The following C5 variants were observed in gnomAD, a reference collection of about 807,000 sequenced individuals.
C5 encodes C3 and PZP-like alpha-2-macroglobulin domain-containing protein 4.
A neutral mutation model predicts 218.8 loss-of-function variants in C5; 140 were observed. The ratio of observed to expected loss-of-function variants is 0.64; its 90% CI spans 0.56 to 0.74. The LOEUF is 0.74. C5 is among the 30% of genes least tolerant of loss of function. C5 has a pLI of 0.00. For synonymous variants in C5, 614 were observed against 682.3 expected (o/e 0.90, Z 1.56); for missense variants, 1,700 against 1,969.6 (o/e 0.86, Z 2.59).
At chr9:121,037,147 T>C (rs943978974) in intron 4 of C5, among the ~76,000 whole-genome samples, 1 of 152,076 alleles carries the variant, frequency 6.6e-6, no homozygotes, top group Non-Finnish European at 1.5e-5. Flanking sequence ...AGTATAATAG[T>C]TATTAAACTC....
intron 33 of C5, among the ~76,000 whole-genome samples, chr9:120,967,605 G>A (rs2046878405): frequency 6.6e-6 from 1 of 152,186 alleles, no homozygotes; most frequent in Non-Finnish European, 1.5e-5. Context: ...ACGATGGAAA[G>A]AACAGGGAAG....
At chr9:121,052,286 G>A (rs1213096036), upstream of C5, among the ~76,000 whole-genome samples, 4 of 151,754 alleles carry the variant, frequency 2.6e-5, no homozygotes, top group South Asian at 2.1e-4. Flanking sequence ...GCGAAAACCC[G>A]CCTCTACTAA....
intron 2 of C5, among the ~76,000 whole-genome samples, chr9:121,045,204 G>A (rs7851568): frequency 3.3e-5 from 5 of 152,118 alleles, no homozygotes; most frequent in South Asian, 4.1e-4. Flanking sequence ...GAACATTAAA[G>A]AATTCCTATG....
Position 120,959,853 on chromosome 9 carries a change from ATT to A in C5, c.4678+393_4678+394del, listed in dbSNP as rs1185228623. Among the ~76,000 whole-genome samples, 3 of 152,166 alleles carry A rather than the reference ATT, an allele frequency of 2.0e-5. No homozygotes were observed. The East Asian group carries it at 5.8e-4, about 29-fold the overall frequency. On this transcript the variant is annotated intron_variant, in intron 38 of 40. Transcript: ENST00000223642. ...GTATTTATATTTTTACCCTGAAGAT[ATT>A]TTTTTAAAAACCAAGCCCCCTAAAT...
intron 29 of C5, 79 bp downstream of exon 29, chr9:120,976,621 G>C (rs766962116): frequency 1.0e-4 from 115 of 1,141,010 alleles, no homozygotes; most frequent in South Asian, 8.1e-4. Flanking sequence ...GTGGACAAAG[G>C]CATGGAGGCC....
chr9:121,007,513 A>G (rs1272580298), intron 18 of C5, among the ~76,000 whole-genome samples: 3 of 152,232 alleles, frequency 2.0e-5, no homozygotes, highest in Non-Finnish European at 2.9e-5. Flanking sequence ...ATTACACTGC[A>G]CTGTAATAAT....
At chr9:121,010,840 G>T (rs2109890) in intron 17 of C5, among the ~76,000 whole-genome samples, 147,236 of 152,304 alleles carry the variant, frequency 0.97, 71,192 homozygotes, top group East Asian at 1. Context: ...TATAGTGAAC[G>T]CATTTTTGAC....
chr9:121,016,051 G>A (rs1009598592), intron 15 of C5, among the ~76,000 whole-genome samples: 5 of 152,188 alleles, frequency 3.3e-5, no homozygotes, highest in Admixed American at 1.3e-4. Flanking sequence ...GAGCCAGGGC[G>A]AAGATCATGG....
intron 37 of C5, 111 bp from the exon 38 acceptor site, chr9:120,960,448 C>A: frequency 1.4e-6 from 1 of 720,720 alleles, no homozygotes; most frequent in Non-Finnish European, 2.5e-6. Context: ...TATAACCTTA[C>A]AAATGTCAGA....
intron 12 of C5, among the ~76,000 whole-genome samples, chr9:121,019,164 C>T (rs2047342167): frequency 6.6e-6 from 1 of 151,808 alleles, no homozygotes; most frequent in African/African-American, 2.4e-5. Flanking sequence ...CACGTGAAGC[C>T]AAAATGCCCT....
chr9:121,028,091 A>C (rs552218934), intron 7 of C5, among the ~76,000 whole-genome samples: 41 of 152,358 alleles, frequency 2.7e-4, no homozygotes, highest in Admixed American at 9.1e-4. Context: ...ACACATGAAA[A>C]AATGCTCATC....
In C5 at chr9:121,006,886, T is replaced by A; in HGVS notation, c.2422+18A>T. On this transcript the variant is annotated intron_variant, in intron 19 of 40. Transcript: ENST00000223642. ...TCAAATCACTATTTAAATGCATATA[T>A]CACTTAAACCTGCTTACCAGTGTTT... 6.6e-7 allele frequency: 1 copy of A among 1,507,546 alleles called. No individual in the cohort carries two copies. Among genetic ancestry groups the A allele is most frequent in the East Asian group, 2.3e-5 (1 of 44,222 alleles). 93.4% of individuals were successfully genotyped at this position (1,507,546 alleles called of 1,614,324 possible).
intron 37 of C5, 117 bp downstream of exon 37, chr9:120,961,365 A>T: frequency 1.4e-6 from 1 of 724,438 alleles, no homozygotes; most frequent in Non-Finnish European, 2.5e-6. Context: ...TAGCTGAGAT[A>T]GCATTTCTAC....
At chr9:120,955,920 G>T (rs961292010) in intron 39 of C5, among the ~76,000 whole-genome samples, 6 of 152,010 alleles carry the variant, frequency 3.9e-5, no homozygotes, top group African/African-American at 1.5e-4. Flanking sequence ...ATATTTGATA[G>T]AATTTCAAAA....
At chr9:121,011,044 G>A (rs1054362523) in intron 17 of C5, among the ~76,000 whole-genome samples, 6 of 152,050 alleles carry the variant, frequency 3.9e-5, no homozygotes, top group African/African-American at 1.4e-4. Context: ...GAAAACACTG[G>A]GAAAACTCTC....
chr9:120,999,882 A>G (rs1203573213), intron 20 of C5: 1 of 451,904 alleles, frequency 2.2e-6, no homozygotes, highest in East Asian at 7.1e-5. Flanking sequence ...GTATAGTGAT[A>G]TGCATGACAC....
At position 121,031,794 on chromosome 9, in the gene C5, G is replaced by A. The variant is rs572622832; in HGVS notation, c.667+319C>T. The stretch of plus-strand genomic sequence containing the variant: ...GAAAAACTTTTAATTGGCTGGGTGC[G>A]GTGGCTCATGCCTGTAATCCCAGCA... On this transcript the variant is annotated intron_variant, in intron 6 of 40. Coordinates refer to ENST00000223642, the MANE Select transcript of C5 (RefSeq NM_001735.3). Among the ~76,000 whole-genome samples, 152 of 152,206 alleles carry A rather than the reference G, an allele frequency of 1.0e-3. 1 individual carries two copies. Among genetic ancestry groups the A allele is most frequent in the Admixed American group, 1.6e-3 (25 of 15,286 alleles).
At chr9:120,956,824 A>G in intron 39 of C5, 1 of 189,032 alleles carries the variant, frequency 5.3e-6, no homozygotes, top group Non-Finnish European at 1.1e-5. Flanking sequence ...GTGGGAACTA[A>G]ACAGTGAGTA....
chr9:121,005,529 G>A (rs181883819), intron 20 of C5, among the ~76,000 whole-genome samples: 7 of 152,272 alleles, frequency 4.6e-5, no homozygotes, highest in Non-Finnish European at 1.0e-4. Flanking sequence ...CAGAGAGGAT[G>A]ATAAGATCTA....
Sources: gnomAD v4.1 joint callset for allele counts (sites outside exome capture counted in the v4.1 genomes callset) on GRCh38, gnomAD v4.1.1 for gene constraint, MANE v1.5 for transcripts, NCBI Gene and HGNC (gene_info 2026-07-23, HGNC 2026-07-21) for gene names.